Variants in ZNF671 observed in about 807,000 individuals in gnomAD.
The protein encoded by ZNF671 is zinc finger protein 671, also known as hypothetical protein FLJ23506.
Under a neutral mutation model 16.6 loss-of-function variants are expected in ZNF671, and 19 were observed. The observed-to-expected ratio is 1.14, with a 90% confidence interval of 0.80 to 1.68. The LOEUF is 1.68. ZNF671 is among the 40% of genes most tolerant of loss of function. ZNF671 has a pLI of 0.00. For missense variants in ZNF671, 637 were observed against 659.8 expected (o/e 0.97, Z 0.38); for synonymous variants, 238 against 236.3 (o/e 1.01, Z -0.06).
Position 57,721,644 on chromosome 19 carries a change from C to T in ZNF671, c.442G>A (p.Val148Ile), listed in dbSNP as rs147584394. ...EEVSSEQSIF[V>I]AGVSEVRTLM... ...GTCCTGACCTCTGACACTCCTGCTA[C>T]AAAAATGCTCTGCTCAGAAGATACC... The change falls in exon 4 of 4, where the codon GTA (valine) becomes ATA (isoleucine). Residue 148 changes from valine (V) to isoleucine (I), a missense_variant. Transcript: ENST00000317398. The T allele has an allele frequency of 5.0e-6, 8 of 1,614,072 alleles. No homozygotes were observed. In the African/African-American group the frequency reaches 1.1e-4, roughly 22 times the overall value.
At chr19:57,721,838 G>T in intron 3 of ZNF671, 141 bp from the exon 4 acceptor site, 1 of 1,211,944 alleles carries the variant, frequency 8.3e-7, no homozygotes, top group Non-Finnish European at 1.1e-6. Context: ...AGTGAGGAAG[G>T]AATGGCTTTG....
rs1600055302 is a variant in ZNF671 at position 57,727,192 on chromosome 19, A to G, written c.138+199T>C. On this transcript the variant is annotated intron_variant, in intron 1 of 3. Coordinates refer to ENST00000317398, the MANE Select transcript of ZNF671 (RefSeq NM_024833.3). ...TGTGTTGATGAGAACCCTGTCTCCC[A>G]AATGTTTGGGGGTCAGCAGCACCCC... 5.0e-6 allele frequency: 3 copies of G among 603,444 alleles called. No individual in the cohort carries two copies. The East Asian group carries it at 9.5e-5, about 19-fold the overall frequency. 37.4% of individuals were successfully genotyped at this position (603,444 alleles called of 1,614,324 possible). A position where few individuals can be genotyped will look rare whatever the true frequency, so the allele number is the denominator to read the frequency against.
At chr19:57,723,450 A>G in intron 1 of ZNF671, 110 bp from the exon 2 acceptor site, 1 of 1,332,364 alleles carries the variant, frequency 7.5e-7, no homozygotes, top group Non-Finnish European at 1.0e-6. Context: ...CAAGTCAGAG[A>G]TACCAGGCAC....
Position 57,720,412 on chromosome 19 carries a change from T to A in ZNF671, c.*69A>T, listed in dbSNP as rs1985808759. 1 of 1,551,196 alleles carries A rather than the reference T, an allele frequency of 6.4e-7. No individual in the cohort carries two copies. The highest frequency in any genetic ancestry group is 1.4e-5 in the African/African-American group (1 of 73,414). On this transcript the variant is annotated 3_prime_UTR_variant, in exon 4 of 4. Transcript: ENST00000317398. ...TGCATCTGCTGCACTCATTAACTAC[T>A]GCTAGTTCCCCACCATATAGTAAGT...
Position 57,727,590 on chromosome 19 carries a change from C to T in ZNF671, c.-62G>A. The T allele has an allele frequency of 1.3e-6, 2 of 1,549,294 alleles. No homozygotes were observed. The highest frequency in any genetic ancestry group is 1.8e-6 in the Non-Finnish European group (2 of 1,141,042). On this transcript the variant is annotated 5_prime_UTR_variant, in exon 1 of 4. Transcript: ENST00000317398. ...CACACAAGCGTTACAGAACCCCGGC[C>T]AGGGACAGCCTGACAGAAACAAAAT...
rs1985861293 is a variant in ZNF671, at chr19:57,721,302, A to T, written c.784T>A (p.Ser262Thr). Residue 262 changes from serine to threonine, a missense_variant, in exon 4 of 4, where the codon TCT becomes ACT. By Grantham distance (58) the Ser-to-Thr change is moderately conservative. Transcript: ENST00000317398. The stretch of plus-strand genomic sequence containing the variant: ...TTGTGGGGCTTCATGCTGCTGAGAG[A>T]GGCCTGATGCTGAAGAAGGCCAGAT... ...ATSGLLQHQA[S>T]LSSMKPHKST... 6.3e-7 allele frequency: 1 copy of T among 1,597,118 alleles called. No individual in the cohort carries two copies. Among genetic ancestry groups the T allele is most frequent in the Admixed American group, 1.7e-5 (1 of 59,086 alleles).
rs1051251582 is a variant in ZNF671 at position 57,723,305 on chromosome 19, G to C, written c.174C>G (p.Phe58Leu). Residue 58 changes from phenylalanine to leucine, a missense_variant, in exon 2 of 4, where the codon TTC becomes TTG. Transcript: ENST00000317398. ...CAAGAAGCTCCCATTCTTCCCGAGA[G>C]AAGTATACAAACACATCCTCAAAGA... ...CVVFEDVFVY[F>L]SREEWELLDD... 1.9e-6 allele frequency: 3 copies of C among 1,613,450 alleles called. No homozygotes were observed. The Admixed American group carries it at 5.0e-5, about 27-fold the overall frequency.
intron 3 of ZNF671, 96 bp from the exon 4 acceptor site, chr19:57,721,793 C>A: frequency 6.8e-7 from 1 of 1,480,534 alleles, no homozygotes; most frequent in African/African-American, 1.4e-5. Flanking sequence ...GGAATAAGTT[C>A]ATGAAACTGT....
In ZNF671 at chr19:57,721,327, T is replaced by C; in HGVS notation, c.759A>G (p.Thr253=). The part of the protein sequence containing the change: ...CGKGRRDFSA[T]SGLLQHQASL... ...AGGCCTGATGCTGAAGAAGGCCAGA[T>C]GTGGCTGAAAAGTCTCTCCTACCTT... The change falls in exon 4 of 4, where the codon ACA becomes ACG. Residue 253 remains threonine (T), a synonymous_variant. Transcript: ENST00000317398. The C allele has an allele frequency of 6.2e-7, 1 of 1,606,234 alleles. No individual in the cohort carries two copies. The highest frequency in any genetic ancestry group is 1.1e-5 in the South Asian group (1 of 90,400).
chr19:57,720,673 T>C lies in ZNF671; in HGVS notation c.1413A>G (p.Lys471=). Residue 471 remains lysine (K), a synonymous_variant, in exon 4 of 4, where the codon AAA becomes AAG. Transcript: ENST00000317398. Reference sequence around the variant, plus strand: ...CATAAGGCTTTTCTCCAGAGTGAACTTTCTGGTGCTGAATGAGTTTGGAGA... The same window carrying C: ...CATAAGGCTTTTCTCCAGAGTGAACCTTCTGGTGCTGAATGAGTTTGGAGA... ...SCISKLIQHQ[K]VHSGEKPYEC... The C allele has an allele frequency of 6.2e-7, 1 of 1,614,220 alleles. No individual in the cohort carries two copies. Among genetic ancestry groups the C allele is most frequent in the Non-Finnish European group, 8.5e-7 (1 of 1,180,046 alleles).
chr19:57,721,928 G>GCTT, intron 3 of ZNF671: 2 of 618,214 alleles, frequency 3.2e-6, no homozygotes, highest in Non-Finnish European at 5.5e-6. Flanking sequence ...CAAACAAATG[G>GCTT]CTTCCAGTAG....
Position 57,727,621 on chromosome 19 carries a change from C to T in ZNF671, c.-93G>A, listed in dbSNP as rs1374510561. ...CAGCCTGACAGAAACAAAATGTCCGCTACAAGGAGGAGCCGGAAGTCCCGC... is the reference window on the plus strand; with the variant it reads ...CAGCCTGACAGAAACAAAATGTCCGTTACAAGGAGGAGCCGGAAGTCCCGC... On this transcript the variant is annotated 5_prime_UTR_variant, in exon 1 of 4. Coordinates refer to ENST00000317398, the MANE Select transcript of ZNF671 (RefSeq NM_024833.3). 2.0e-6 allele frequency: 3 copies of T among 1,518,118 alleles called. No homozygotes were observed. Among genetic ancestry groups the T allele is most frequent in the Non-Finnish European group, 2.7e-6 (3 of 1,128,246 alleles). 94.0% of individuals were successfully genotyped at this position (1,518,118 alleles called of 1,614,324 possible).
rs757474947 is a variant in ZNF671 at position 57,727,450 on chromosome 19, G to A, written c.79C>T (p.Pro27Ser). Reference protein sequence around the residue: ...KCLRPRSRRLPLPAAVRAHGP... With the variant: ...KCLRPRSRRLSLPAAVRAHGP... Reference sequence around the variant, plus strand: ...TGGGCGCGGACAGCTGCCGGGAGCGGCAGGCGTCTCGATCGGGGACGCAGG... The same window carrying A: ...TGGGCGCGGACAGCTGCCGGGAGCGACAGGCGTCTCGATCGGGGACGCAGG... Residue 27 changes from proline to serine, a missense_variant, in exon 1 of 4, where the codon CCG becomes TCG. Pro to Ser is a moderately conservative substitution (Grantham distance 74). Transcript: ENST00000317398. 4 of 1,612,566 alleles carry A rather than the reference G, an allele frequency of 2.5e-6. No homozygotes were observed. The highest frequency in any genetic ancestry group is 3.4e-6 in the Non-Finnish European group (4 of 1,179,578).
rs1600055624 is a variant in ZNF671, at chr19:57,727,444, G to C, written c.85C>G (p.Pro29Ala). The C allele has an allele frequency of 1.2e-6, 2 of 1,612,314 alleles. No individual in the cohort carries two copies. Among genetic ancestry groups the C allele is most frequent in the East Asian group, 2.2e-5 (1 of 44,852 alleles). The change falls in exon 1 of 4, where the codon CCG becomes GCG. Residue 29 changes from proline (P) to alanine (A), a missense_variant. Physicochemically the swap from Pro to Ala is conservative, Grantham distance 27 (BLOSUM62 -1). Coordinates refer to ENST00000317398, the MANE Select transcript of ZNF671 (RefSeq NM_024833.3). ...GGACCGTGGGCGCGGACAGCTGCCG[G>C]GAGCGGCAGGCGTCTCGATCGGGGA... ...LRPRSRRLPLPAAVRAHGPMA... is the reference protein window; with the variant it reads ...LRPRSRRLPLAAAVRAHGPMA...
chr19:57,723,573 C>T (rs1568468173), intron 1 of ZNF671, among the ~76,000 whole-genome samples: 1 of 152,174 alleles, frequency 6.6e-6, no homozygotes, highest in Non-Finnish European at 1.5e-5. Flanking sequence ...AGCCAGCCAA[C>T]TCCCCTGGGG....
chr19:57,727,211 G>A (rs772019038), intron 1 of ZNF671, 180 bp downstream of exon 1: 5 of 763,990 alleles, frequency 6.5e-6, no homozygotes, highest in Non-Finnish European at 9.8e-6. Flanking sequence ...GGGGTCAGCA[G>A]CACCCCCGAG....
chr19:57,723,439 C>T (rs1985943639), intron 1 of ZNF671, 99 bp from the exon 2 acceptor site: 1 of 1,446,384 alleles, frequency 6.9e-7, no homozygotes, highest in Non-Finnish European at 9.3e-7. Flanking sequence ...TCCCAGGTTC[C>T]CAAGTCAGAG....
Position 57,721,697 on chromosome 19 carries a change from C to A in ZNF671, c.389G>T (p.Gly130Val). The A allele has an allele frequency of 6.2e-7, 1 of 1,610,178 alleles. No individual in the cohort carries two copies. The change falls in exon 4 of 4, where the codon GGT (glycine) becomes GTT (valine). Residue 130 changes from glycine (G) to valine (V), a missense_variant and splice_region_variant. Coordinates refer to ENST00000317398, the MANE Select transcript of ZNF671 (RefSeq NM_024833.3). Reference sequence around the variant, plus strand: ...TTCATCCTCCACTCCATGCCAACAACCTGAAGAACACACAAATGCTGATTA... The same window carrying A: ...TTCATCCTCCACTCCATGCCAACAAACTGAAGAACACACAAATGCTGATTA... ...EREAQRGLRP[G>V]CWHGVEDEEV...
At position 57,720,690 on chromosome 19, in the gene ZNF671, G is replaced by A. The variant is rs765351697; in HGVS notation, c.1396C>T (p.Leu466Phe). 2 of 1,614,216 alleles carry A rather than the reference G, an allele frequency of 1.2e-6. No homozygotes were observed. Among genetic ancestry groups the A allele is most frequent in the Non-Finnish European group, 1.7e-6 (2 of 1,180,042 alleles). ...GAGTGAACTTTCTGGTGCTGAATGAGTTTGGAGATGCAGCTGAAAGCTTTA... is the reference window on the plus strand; with the variant it reads ...GAGTGAACTTTCTGGTGCTGAATGAATTTGGAGATGCAGCTGAAAGCTTTA... ...CGKAFSCISK[L>F]IQHQKVHSGE... is the part of the protein sequence containing the mutation. The change falls in exon 4 of 4, where the codon CTC becomes TTC. Residue 466 changes from leucine to phenylalanine, a missense_variant. Leu to Phe is a conservative substitution (Grantham distance 22, BLOSUM62 0). Coordinates refer to ENST00000317398, the MANE Select transcript of ZNF671 (RefSeq NM_024833.3).
Sources: gnomAD v4.1 joint callset for allele counts (sites outside exome capture counted in the v4.1 genomes callset) on GRCh38, gnomAD v4.1.1 for gene constraint, MANE v1.5 for transcripts, NCBI Gene and HGNC (gene_info 2026-07-23, HGNC 2026-07-21) for gene names.